PSD3: variants seen among roughly 807,000 people sequenced by gnomAD.
PSD3 encodes PH and SEC7 domain-containing protein 3.
A neutral mutation model predicts 105.5 loss-of-function variants in PSD3; 49 were observed. The ratio of observed to expected loss-of-function variants is 0.46; its 90% CI spans 0.37 to 0.59. The LOEUF (loss-of-function observed/expected upper bound fraction) is 0.59, where lower values mean the gene tolerates loss of function less well. Among genes scored for constraint, PSD3 ranks in the 20% least tolerant of loss-of-function variants. PSD3 has a pLI of 0.00. For synonymous variants in PSD3, 557 were observed against 457.8 expected (o/e 1.22, Z -2.77); for missense variants, 1,561 against 1,263.8 (o/e 1.24, Z -3.57).
At chr8:18,671,024 A>G (rs1241203546) in intron 9 of PSD3, among the ~76,000 whole-genome samples, 1 of 152,200 alleles carries the variant, frequency 6.6e-6, no homozygotes, top group Non-Finnish European at 1.5e-5. Context: ...TAGTCTCTAT[A>G]ATGCTTCGTA....
At position 19,049,203 on chromosome 8, in the gene PSD3, TGAG is replaced by T. The variant is rs559351741; in HGVS notation, c.324+35000_324+35002del. ...TGTTAGGAATTTAATACGCGAATTT[TGAG>T]GAGGACACAAGTCATCCCATAATAG... On this transcript the variant is annotated intron_variant, in intron 1 of 1. Transcript: ENST00000521475. 4.4e-3 allele frequency among the ~76,000 whole-genome samples: 664 copies of T among 152,316 alleles called. 3 individuals are homozygous for T. The highest frequency in any genetic ancestry group is 7.3e-3 in the Non-Finnish European group (500 of 68,032).
intron 1 of PSD3, among the ~76,000 whole-genome samples, chr8:18,960,727 G>C (rs1823860061): frequency 6.6e-6 from 1 of 152,128 alleles, no homozygotes; most frequent in East Asian, 1.9e-4. Flanking sequence ...TGAAAATGAG[G>C]CTTCTAGAAG....
At chr8:18,692,714 G>C (rs564965087) in intron 9 of PSD3, among the ~76,000 whole-genome samples, 1 of 152,228 alleles carries the variant, frequency 6.6e-6, no homozygotes, top group Non-Finnish European at 1.5e-5. Context: ...CTGATGTTTG[G>C]CTAGCTGCAA....
At chr8:18,628,252 A>G (rs1277718621) in intron 11 of PSD3, among the ~76,000 whole-genome samples, 1 of 151,940 alleles carries the variant, frequency 6.6e-6, no homozygotes, top group African/African-American at 2.4e-5. Flanking sequence ...CCAAATAAGG[A>G]AAACATAAAG....
chr8:18,576,299 A>C (rs1225710903), intron 12 of PSD3, among the ~76,000 whole-genome samples: 1 of 152,182 alleles, frequency 6.6e-6, no homozygotes, highest in Admixed American at 6.5e-5. Context: ...TGGTAATATA[A>C]AGATTATCCA....
At chr8:19,067,399 C>A (rs17127769) in intron 1 of PSD3, among the ~76,000 whole-genome samples, 3,296 of 152,242 alleles carry the variant, frequency 0.022, 113 homozygotes, top group African/African-American at 0.075. Context: ...GGAAAGACAT[C>A]ATTGCACCAA....
intron 2 of PSD3, among the ~76,000 whole-genome samples, chr8:18,878,017 A>G (rs1011094827): frequency 6.6e-6 from 1 of 152,142 alleles, no homozygotes; most frequent in African/African-American, 2.4e-5. Context: ...GAAAGCTGTG[A>G]TTTTGATAGG....
chr8:19,046,154 C>T (rs1300010745), intron 1 of PSD3, among the ~76,000 whole-genome samples: 1 of 152,130 alleles, frequency 6.6e-6, no homozygotes, highest in African/African-American at 2.4e-5. Flanking sequence ...CTCTGTTGCC[C>T]AGGCCAGAGT....
At chr8:18,677,443 G>C (rs530538622) in intron 9 of PSD3, among the ~76,000 whole-genome samples, 46 of 152,260 alleles carry the variant, frequency 3.0e-4, no homozygotes, top group African/African-American at 1.0e-3. Flanking sequence ...AGCTGGGTGT[G>C]GTGGTGCATG....
chr8:18,596,441 G>C (rs1804100468), intron 12 of PSD3, among the ~76,000 whole-genome samples: 1 of 151,620 alleles, frequency 6.6e-6, no homozygotes, highest in Non-Finnish European at 1.5e-5. Flanking sequence ...GAAAGACACA[G>C]TAAAGATTAG....
At chr8:18,636,465 T>G (rs1027738664) in intron 10 of PSD3, among the ~76,000 whole-genome samples, 1 of 152,170 alleles carries the variant, frequency 6.6e-6, no homozygotes. Context: ...TAATTTATAA[T>G]TGAAGAAAAG....
At chr8:18,575,088 A>C in intron 13 of PSD3, 40 bp downstream of exon 13, 1 of 1,598,814 alleles carries the variant, frequency 6.3e-7, no homozygotes, top group Non-Finnish European at 8.5e-7. Flanking sequence ...GTGCTAAGTG[A>C]ACTAAAACAC....
At chr8:18,583,368 C>G (rs994445562) in intron 12 of PSD3, among the ~76,000 whole-genome samples, 2 of 152,082 alleles carry the variant, frequency 1.3e-5, no homozygotes, top group African/African-American at 2.4e-5. Context: ...GGGGTCAAGG[C>G]TGCAGTGAGC....
intron 9 of PSD3, among the ~76,000 whole-genome samples, chr8:18,707,386 T>C (rs771376233): frequency 2.6e-5 from 4 of 152,220 alleles, no homozygotes; most frequent in Non-Finnish European, 5.9e-5. Flanking sequence ...GAAGTGTTCA[T>C]GAAATTGATT....
At chr8:18,595,654 TA>T (rs1018500531) in intron 12 of PSD3, among the ~76,000 whole-genome samples, 4 of 151,866 alleles carry the variant, frequency 2.6e-5, no homozygotes, top group African/African-American at 9.7e-5. Flanking sequence ...ACAAAATAAG[TA>T]AAAAACTGTC....
At chr8:18,644,741 C>T (rs539865998) in intron 10 of PSD3, among the ~76,000 whole-genome samples, 2 of 152,256 alleles carry the variant, frequency 1.3e-5, no homozygotes, top group East Asian at 3.9e-4. Context: ...TCCAAGGCCC[C>T]TTCCACATTT....
intron 12 of PSD3, among the ~76,000 whole-genome samples, chr8:18,579,123 C>CACACACACAT (rs2130389979): frequency 6.6e-6 from 1 of 151,858 alleles, no homozygotes; most frequent in South Asian, 2.1e-4. Flanking sequence ...CACACACACA[C>CACACACACAT]ACACACACAC....
intron 4 of PSD3, among the ~76,000 whole-genome samples, chr8:18,818,219 T>C (rs1220708560): frequency 6.6e-6 from 1 of 152,308 alleles, no homozygotes; most frequent in Non-Finnish European, 1.5e-5. Flanking sequence ...CCTCCCAAAG[T>C]GCTTGGATTA....
intron 8 of PSD3, among the ~76,000 whole-genome samples, chr8:18,795,613 C>A (rs917798080): frequency 5.9e-5 from 9 of 152,206 alleles, no homozygotes; most frequent in African/African-American, 1.9e-4. Flanking sequence ...ATCTATCTCA[C>A]TCCTCACTGC....
Sources: gnomAD v4.1 joint callset for allele counts (sites outside exome capture counted in the v4.1 genomes callset) on GRCh38, gnomAD v4.1.1 for gene constraint, MANE v1.5 for transcripts, NCBI Gene and HGNC (gene_info 2026-07-23, HGNC 2026-07-21) for gene names.